The following ACBD6 variants were observed in gnomAD, a reference collection of about 807,000 sequenced individuals.
ACBD6 encodes acyl-CoA binding domain containing 6, also known as acyl-CoA-binding domain-containing protein 6.
In ACBD6, 28 loss-of-function variants were observed where a neutral mutation model predicts 37.2. That is an observed-to-expected ratio of 0.75 (90% CI 0.56 to 1.03). ACBD6 has a LOEUF of 1.03. ACBD6 is among the 50% of genes least tolerant of loss of function. The probability of loss-of-function intolerance (pLI) is 0.00; values close to 1 mark genes in which losing one functional copy is unlikely to be tolerated. For missense variants in ACBD6, 340 were observed against 337.4 expected (o/e 1.01, Z -0.06); for synonymous variants, 113 against 126.8 (o/e 0.89, Z 0.73).
At chr1:180,361,664 C>G (rs146810692) in intron 6 of ACBD6, among the ~76,000 whole-genome samples, 25 of 152,080 alleles carry the variant, frequency 1.6e-4, no homozygotes, top group Non-Finnish European at 3.2e-4. Flanking sequence ...CTAGCAAAAA[C>G]AGATACTGTA....
intron 7 of ACBD6, among the ~76,000 whole-genome samples, chr1:180,295,128 G>T (rs575142024): frequency 1.3e-5 from 2 of 151,884 alleles, no homozygotes; most frequent in African/African-American, 2.4e-5. Context: ...TTTCTGCTCC[G>T]ATCTTTATTG....
At chr1:180,447,300 C>T (rs1000697036) in intron 3 of ACBD6, among the ~76,000 whole-genome samples, 55 of 152,020 alleles carry the variant, frequency 3.6e-4, no homozygotes, top group African/African-American at 1.3e-3. Context: ...AAACACTTTA[C>T]ACCACAGAAA....
At chr1:180,360,701 T>A (rs1165605596) in intron 6 of ACBD6, among the ~76,000 whole-genome samples, 1 of 152,100 alleles carries the variant, frequency 6.6e-6, no homozygotes, top group Non-Finnish European at 1.5e-5. Flanking sequence ...GACAAAAAAA[T>A]TATTAAAATA....
At chr1:180,501,134 C>T (rs1651953969) in intron 1 of ACBD6, among the ~76,000 whole-genome samples, 2 of 152,154 alleles carry the variant, frequency 1.3e-5, no homozygotes, top group Non-Finnish European at 2.9e-5. Flanking sequence ...TTGTATGACC[C>T]TAGGAAAGGT....
At chr1:180,306,930 T>C (rs1449807052) in intron 7 of ACBD6, among the ~76,000 whole-genome samples, 2 of 152,178 alleles carry the variant, frequency 1.3e-5, no homozygotes, top group African/African-American at 2.4e-5. Context: ...GTACAATCAC[T>C]ATGGAGAACA....
chr1:180,487,472 A>T (rs886705663), intron 3 of ACBD6, among the ~76,000 whole-genome samples: 1 of 152,206 alleles, frequency 6.6e-6, no homozygotes, highest in African/African-American at 2.4e-5. Context: ...TAGCCAGTAT[A>T]GTCGCACTGT....
At chr1:180,417,667 C>T (rs1259030021) in intron 4 of ACBD6, among the ~76,000 whole-genome samples, 2 of 152,080 alleles carry the variant, frequency 1.3e-5, no homozygotes, top group Non-Finnish European at 2.9e-5. Flanking sequence ...TTTATTATTC[C>T]TACTCTGTTT....
At chr1:180,340,995 C>T (rs1476899057) in intron 6 of ACBD6, among the ~76,000 whole-genome samples, 1 of 152,096 alleles carries the variant, frequency 6.6e-6, no homozygotes, top group African/African-American at 2.4e-5. Context: ...AATGTAGTGT[C>T]ACTGCTGAGA....
chr1:180,398,202 TAAC>T (rs1037390034), intron 5 of ACBD6, among the ~76,000 whole-genome samples: 3 of 152,302 alleles, frequency 2.0e-5, no homozygotes, highest in African/African-American at 7.2e-5. Flanking sequence ...ATGATAGTAA[TAAC>T]AACAATAATA....
intron 5 of ACBD6, among the ~76,000 whole-genome samples, chr1:180,408,428 C>G (rs1211749985): frequency 6.6e-6 from 1 of 151,992 alleles, no homozygotes; most frequent in Non-Finnish European, 1.5e-5. Context: ...GACAAAAAAT[C>G]AAACACTGCA....
intron 6 of ACBD6, among the ~76,000 whole-genome samples, chr1:180,339,887 G>C (rs1291670435): frequency 1.3e-5 from 2 of 151,826 alleles, no homozygotes; most frequent in African/African-American, 4.8e-5. Context: ...TGGGAGGTAG[G>C]GCAGATTGGG....
At chr1:180,412,718 T>C (rs1203560887) in intron 5 of ACBD6, among the ~76,000 whole-genome samples, 3 of 151,978 alleles carry the variant, frequency 2.0e-5, no homozygotes, top group Non-Finnish European at 4.4e-5. Flanking sequence ...ATAAAAAAAT[T>C]AGCCAGGAGT....
At chr1:180,393,852 C>A (rs770794780) in intron 6 of ACBD6, among the ~76,000 whole-genome samples, 1 of 152,192 alleles carries the variant, frequency 6.6e-6, no homozygotes, top group African/African-American at 2.4e-5. Context: ...AACATTGTGG[C>A]AGGCATATAA....
chr1:180,436,177 T>A (rs543013247), intron 3 of ACBD6, among the ~76,000 whole-genome samples: 2 of 152,300 alleles, frequency 1.3e-5, no homozygotes, highest in Admixed American at 6.5e-5. Context: ...GTGGCCCCTT[T>A]GAGATATCAG....
intron 6 of ACBD6, among the ~76,000 whole-genome samples, chr1:180,380,927 C>A (rs190776757): frequency 1.3e-5 from 2 of 152,166 alleles, no homozygotes; most frequent in East Asian, 1.9e-4. Context: ...CACACAGTGG[C>A]TGAATGGCTT....
intron 3 of ACBD6, among the ~76,000 whole-genome samples, chr1:180,483,520 T>C (rs1651138581): frequency 6.6e-6 from 1 of 152,134 alleles, no homozygotes; most frequent in Non-Finnish European, 1.5e-5. Flanking sequence ...CCCCAGCCCC[T>C]AGAACTACAA....
At chr1:180,339,655 C>G (rs1183765139) in intron 6 of ACBD6, among the ~76,000 whole-genome samples, 1 of 152,028 alleles carries the variant, frequency 6.6e-6, no homozygotes, top group East Asian at 1.9e-4. Flanking sequence ...ACGTTGTGCA[C>G]ATGCACCCTA....
Position 180,397,615 on chromosome 1 carries a change from C to G in ACBD6, c.574-10G>C, listed in dbSNP as rs763101858. 3.1e-6 allele frequency: 5 copies of G among 1,605,424 alleles called. No homozygotes were observed. The highest frequency in any genetic ancestry group is 4.3e-6 in the Non-Finnish European group (5 of 1,172,164). ...GAAGTAGAGCCCTACCCTAAAAACA[C>G]AGAAGATAAATGAATTTGTTATCTC... On this transcript the variant is annotated splice_polypyrimidine_tract_variant and intron_variant, in intron 5 of 7. Transcript: ENST00000367595.
At chr1:180,415,456 A>G (rs1206579072) in intron 4 of ACBD6, among the ~76,000 whole-genome samples, 2 of 152,144 alleles carry the variant, frequency 1.3e-5, no homozygotes, top group Admixed American at 6.6e-5. Context: ...GAATACCTTC[A>G]GAGTTCCAAC....
Sources: gnomAD v4.1 joint callset for allele counts (sites outside exome capture counted in the v4.1 genomes callset) on GRCh38, gnomAD v4.1.1 for gene constraint, MANE v1.5 for transcripts, NCBI Gene and HGNC (gene_info 2026-07-23, HGNC 2026-07-21) for gene names.